Variants in PTPRK observed in about 807,000 individuals in gnomAD.
PTPRK encodes the protein protein tyrosine phosphatase receptor type K.
In PTPRK, 75 loss-of-function variants were observed where a neutral mutation model predicts 178.0. The ratio of observed to expected loss-of-function variants is 0.42; its 90% confidence interval spans 0.35 to 0.51. The LOEUF (loss-of-function observed/expected upper bound fraction) is 0.51, where lower values mean the gene tolerates loss of function less well. PTPRK is among the 20% of genes least tolerant of loss of function. The probability of loss-of-function intolerance (pLI) is 0.02; values close to 1 mark genes in which losing one functional copy is unlikely to be tolerated. For missense variants in PTPRK, 1,441 were observed against 1,797.8 expected (o/e 0.80, Z 3.59); for synonymous variants, 637 against 620.6 (o/e 1.03, Z -0.39).
chr6:128,322,670 A>ATATATATATACATGTACATATAT (rs1471608476), intron 2 of PTPRK, among the ~76,000 whole-genome samples: 5 of 150,544 alleles, frequency 3.3e-5, no homozygotes, highest in African/African-American at 1.2e-4. Flanking sequence ...TTAATATAAT[A>ATATATATATACATGTACATATAT]TATATATATA....
chr6:128,002,340 A>G (rs1465608856), intron 15 of PTPRK, among the ~76,000 whole-genome samples: 2 of 151,766 alleles, frequency 1.3e-5, no homozygotes, highest in African/African-American at 2.4e-5. Flanking sequence ...AATTTACAAG[A>G]TATATTTATT....
chr6:128,309,915 G>T (rs1826984884), intron 3 of PTPRK, among the ~76,000 whole-genome samples: 1 of 151,762 alleles, frequency 6.6e-6, no homozygotes, highest in South Asian at 2.1e-4. Context: ...TGTCTTTCTA[G>T]TAGAGGTAAT....
intron 6 of PTPRK, among the ~76,000 whole-genome samples, chr6:128,199,618 G>A (rs979463661): frequency 6.6e-6 from 1 of 151,954 alleles, no homozygotes; most frequent in Admixed American, 6.6e-5. Context: ...TAGGGAAAGG[G>A]AGGAAACAAA....
At chr6:128,378,423 T>A (rs1323307717) in intron 2 of PTPRK, among the ~76,000 whole-genome samples, 1 of 152,032 alleles carries the variant, frequency 6.6e-6, no homozygotes, top group South Asian at 2.1e-4. Context: ...AAACATAGAC[T>A]TAGAGGTAAC....
At chr6:128,494,163 G>A (rs1209063358) in intron 1 of PTPRK, among the ~76,000 whole-genome samples, 2 of 141,924 alleles carry the variant, frequency 1.4e-5, no homozygotes, top group Non-Finnish European at 3.0e-5. Context: ...AACAGCCACC[G>A]CACTCCAGCC....
In PTPRK at chr6:127,969,027, T is replaced by C. The variant is rs1773640636; in HGVS notation, c.*1200A>G. On this transcript the variant is annotated 3_prime_UTR_variant, in exon 30 of 30. Transcript: ENST00000368226. Reference sequence around the variant, plus strand: ...CTGGCATTGATTTGTTCACACTTTTTATAGTCAGAACGCAAAGCTTGTGCA... The same window carrying C: ...CTGGCATTGATTTGTTCACACTTTTCATAGTCAGAACGCAAAGCTTGTGCA... The C allele has an allele frequency of 6.6e-6, 1 of 152,234 alleles. No homozygotes were observed. The highest frequency in any genetic ancestry group is 1.5e-5 in the Non-Finnish European group (1 of 68,044). The allele number at this position is 152,234 out of a possible 1,614,324, so 9.4% of individuals were successfully genotyped here. A position where few individuals can be genotyped will look rare whatever the true frequency, so the allele number is the denominator to read the frequency against.
chr6:128,278,123 TTTTATTTATTTA>T (rs201597116), intron 3 of PTPRK, among the ~76,000 whole-genome samples: 6,943 of 143,668 alleles, frequency 0.048, 207 homozygotes, highest in Non-Finnish European at 0.055. Flanking sequence ...TTTTTGTGTT[TTTTATTTATTTA>T]TTTATTTATT....
chr6:128,060,747 T>C (rs1403457416), intron 13 of PTPRK, among the ~76,000 whole-genome samples: 2 of 152,204 alleles, frequency 1.3e-5, no homozygotes, highest in Non-Finnish European at 2.9e-5. Flanking sequence ...ATAGATTATA[T>C]TTTTAACTGA....
chr6:128,444,292 C>T (rs1318421165), intron 1 of PTPRK, among the ~76,000 whole-genome samples: 1 of 152,190 alleles, frequency 6.6e-6, no homozygotes, highest in Non-Finnish European at 1.5e-5. Flanking sequence ...TACATCTGAT[C>T]AAATTCCTCA....
At chr6:128,053,766 C>T (rs964832480) in intron 13 of PTPRK, among the ~76,000 whole-genome samples, 2 of 152,176 alleles carry the variant, frequency 1.3e-5, no homozygotes, top group East Asian at 1.9e-4. Context: ...CTCCTCCATC[C>T]GACTCAGGCT....
chr6:128,465,421 C>G (rs1339987869), intron 1 of PTPRK, among the ~76,000 whole-genome samples: 1 of 151,934 alleles, frequency 6.6e-6, no homozygotes. Flanking sequence ...AAAGACAATT[C>G]TTATTATAAA....
chr6:128,017,509 A>G (rs1017388537), intron 13 of PTPRK, among the ~76,000 whole-genome samples: 1 of 151,556 alleles, frequency 6.6e-6, no homozygotes, highest in African/African-American at 2.4e-5. Context: ...ATCTCCTACC[A>G]GTAGCTATGA....
chr6:128,515,960 C>T (rs1857947212), intron 1 of PTPRK, among the ~76,000 whole-genome samples: 1 of 152,136 alleles, frequency 6.6e-6, no homozygotes, highest in Non-Finnish European at 1.5e-5. Context: ...AATCTTATCA[C>T]ATGAATTAAA....
rs192115895 is a variant in PTPRK at position 128,353,612 on chromosome 6, A to C, written c.224-31302T>G. 1.4e-4 allele frequency among the ~76,000 whole-genome samples: 22 copies of C among 152,372 alleles called. 1 individual carries two copies. Among genetic ancestry groups the C allele is most frequent in the African/African-American group, 5.3e-4 (22 of 41,596 alleles). On this transcript the variant is annotated intron_variant, in intron 2 of 29. Coordinates refer to ENST00000368226, the MANE Select transcript of PTPRK (RefSeq NM_002844.4). Reference sequence around the variant, plus strand: ...TGAACCCAAAAGGTACATAGTACATACATACCATATACATACATACATACA... The same window carrying C: ...TGAACCCAAAAGGTACATAGTACATCCATACCATATACATACATACATACA...
intron 21 of PTPRK, among the ~76,000 whole-genome samples, chr6:127,988,344 C>T (rs1028598872): frequency 6.8e-6 from 1 of 147,420 alleles, no homozygotes; most frequent in Admixed American, 6.8e-5. Context: ...CCCTCTGTCG[C>T]CCAGGCTGGA....
intron 7 of PTPRK, among the ~76,000 whole-genome samples, chr6:128,176,431 G>A (rs1035394607): frequency 6.6e-6 from 1 of 151,786 alleles, no homozygotes; most frequent in African/African-American, 2.4e-5. Context: ...TCACTGAGAT[G>A]ATTTGGCTGA....
intron 5 of PTPRK, among the ~76,000 whole-genome samples, chr6:128,220,103 C>T (rs1473494492): frequency 3.3e-5 from 5 of 151,832 alleles, no homozygotes; most frequent in Non-Finnish European, 7.4e-5. Flanking sequence ...TAGGAAATGA[C>T]TGAAAAAAAT....
rs2114604281 is a variant in PTPRK at position 127,973,211 on chromosome 6, G to A, written c.4134-54C>T. 5 of 1,606,816 alleles carry A rather than the reference G, an allele frequency of 3.1e-6. No homozygotes were observed. In the East Asian group the frequency reaches 1.1e-4, roughly 36 times the overall value. Reference sequence around the variant, plus strand: ...AGATAGCAGCACCAAGTGACCACAGGTCACACCATCATATATGTTTGGGAA... The same window carrying A: ...AGATAGCAGCACCAAGTGACCACAGATCACACCATCATATATGTTTGGGAA... On this transcript the variant is annotated intron_variant, in intron 28 of 29. Coordinates refer to ENST00000368226, the MANE Select transcript of PTPRK (RefSeq NM_002844.4).
chr6:128,088,710 A>G (rs1002766134), intron 8 of PTPRK, among the ~76,000 whole-genome samples: 2 of 152,214 alleles, frequency 1.3e-5, no homozygotes, highest in African/African-American at 4.8e-5. Context: ...GTAGTGCTAT[A>G]ACAGGTATGT....
Sources: gnomAD v4.1 joint callset for allele counts (sites outside exome capture counted in the v4.1 genomes callset) on GRCh38, gnomAD v4.1.1 for gene constraint, MANE v1.5 for transcripts, NCBI Gene and HGNC (gene_info 2026-07-23, HGNC 2026-07-21) for gene names.